The following CPE variants were observed in gnomAD, a reference collection of about 807,000 sequenced individuals.
CPE encodes the protein carboxypeptidase E, also known as carbocypeptidase E.
Under a neutral mutation model 53.5 loss-of-function variants are expected in CPE, and 17 were observed. The observed-to-expected ratio is 0.32, with a 90% CI of 0.22 to 0.48. The LOEUF (loss-of-function observed/expected upper bound fraction) is 0.48. CPE is among the 20% of genes least tolerant of loss of function. The pLI is 0.99. For missense variants in CPE, 524 were observed against 614.7 expected (o/e 0.85, Z 1.56); for synonymous variants, 226 against 228.8 (o/e 0.99, Z 0.11).
chr4:165,461,150 G>A (rs765864627), intron 1 of CPE, among the ~76,000 whole-genome samples: 111 of 46,946 alleles, frequency 2.4e-3, no homozygotes, highest in Non-Finnish European at 3.1e-3. Flanking sequence ...CTGGGTGACA[G>A]AGTGAGCCTC....
intron 1 of CPE, among the ~76,000 whole-genome samples, chr4:165,462,285 G>T (rs531358774): frequency 2.6e-5 from 4 of 152,286 alleles, no homozygotes; most frequent in African/African-American, 9.6e-5. Flanking sequence ...CCAGACATCT[G>T]GGGGCAAGTG....
chr4:165,416,920 A>G (rs563550334), intron 1 of CPE, among the ~76,000 whole-genome samples: 39 of 152,172 alleles, frequency 2.6e-4, no homozygotes, highest in African/African-American at 8.4e-4. Flanking sequence ...GAGTCCATGA[A>G]TGAATGGAAT....
chr4:165,497,542 A>G lies in CPE; in HGVS notation c.1363A>G (p.Arg455Gly), dbSNP rs951331026. 8.9e-6 allele frequency: 14 copies of G among 1,576,486 alleles called. No homozygotes were observed. Among genetic ancestry groups the G allele is most frequent in the Non-Finnish European group, 1.2e-5 (14 of 1,164,922 alleles). Residue 455 changes from arginine to glycine, a missense_variant, in exon 9 of 9, where the codon AGG (arginine) becomes GGG (glycine). By Grantham distance (125) the Arg-to-Gly change is moderately radical (BLOSUM62 -2). Coordinates refer to ENST00000402744, the MANE Select transcript of CPE (RefSeq NM_001873.4). ...TTTTGAACTGGAGTCATTTTCTGAA[A>G]GGAAAGAAGAGGAGAAGGAAGAATT... is the stretch of plus-strand genomic sequence containing the variant. ...VDFELESFSERKEEEKEELME... is the reference protein window; with the variant it reads ...VDFELESFSEGKEEEKEELME...
intron 1 of CPE, among the ~76,000 whole-genome samples, chr4:165,456,973 T>A (rs1731913831): frequency 6.6e-6 from 1 of 151,940 alleles, no homozygotes. Flanking sequence ...ACTCCTGACC[T>A]CGTGATCCAC....
chr4:165,477,433 C>T (rs1732323657), intron 3 of CPE, among the ~76,000 whole-genome samples: 1 of 152,294 alleles, frequency 6.6e-6, no homozygotes, highest in Middle Eastern at 3.4e-3. Context: ...AGTAAACTTA[C>T]TTCATAATCA....
chr4:165,415,614 CAA>C (rs1002554185), intron 1 of CPE, among the ~76,000 whole-genome samples: 3 of 151,800 alleles, frequency 2.0e-5, no homozygotes, highest in East Asian at 1.9e-4. Context: ...TTTTGTAGCT[CAA>C]GTGTATAATT....
At chr4:165,478,381 A>G (rs1732340380) in intron 3 of CPE, among the ~76,000 whole-genome samples, 1 of 152,196 alleles carries the variant, frequency 6.6e-6, no homozygotes, top group Non-Finnish European at 1.5e-5. Flanking sequence ...AATTTATCAA[A>G]TTGTAGAATT....
intron 3 of CPE, among the ~76,000 whole-genome samples, chr4:165,472,794 A>T (rs1482638402): frequency 6.6e-6 from 1 of 152,192 alleles, no homozygotes; most frequent in Non-Finnish European, 1.5e-5. Flanking sequence ...CTTTTTATAT[A>T]ATCTTTTACT....
chr4:165,462,001 T>C (rs1732016632), intron 1 of CPE, among the ~76,000 whole-genome samples: 1 of 152,248 alleles, frequency 6.6e-6, no homozygotes, highest in African/African-American at 2.4e-5. Flanking sequence ...TTTGTTGTCC[T>C]GTCTTCATGT....
Position 165,495,688 on chromosome 4 carries a change from A to C in CPE, c.1332+11A>C. On this transcript the variant is annotated intron_variant, in intron 8 of 8. Transcript: ENST00000402744. ...AGCCCTGCTGCTGGGGTAAGTAATCATAATAATAGCCAAACGCTATAATAA... is the reference window on the plus strand; with the variant it reads ...AGCCCTGCTGCTGGGGTAAGTAATCCTAATAATAGCCAAACGCTATAATAA... 1 of 1,524,826 alleles carries C rather than the reference A, an allele frequency of 6.6e-7. No individual in the cohort carries two copies. Among genetic ancestry groups the C allele is most frequent in the Non-Finnish European group, 9.1e-7 (1 of 1,104,660 alleles). 94.5% of individuals were successfully genotyped at this position (1,524,826 alleles called of 1,614,324 possible).
intron 5 of CPE, among the ~76,000 whole-genome samples, chr4:165,486,225 G>C (rs1310112653): frequency 2.6e-5 from 4 of 152,080 alleles, no homozygotes; most frequent in African/African-American, 9.7e-5. Flanking sequence ...GTAGCTGTGA[G>C]CTCTAACAGC....
intron 1 of CPE, among the ~76,000 whole-genome samples, chr4:165,458,113 T>C (rs947631480): frequency 2.0e-5 from 3 of 152,218 alleles, no homozygotes; most frequent in Non-Finnish European, 4.4e-5. Context: ...TAACCCCAGG[T>C]TTATCACTGA....
At chr4:165,493,802 G>T (rs573904335) in intron 7 of CPE, among the ~76,000 whole-genome samples, 1 of 152,210 alleles carries the variant, frequency 6.6e-6, no homozygotes, top group African/African-American at 2.4e-5. Flanking sequence ...GAGGTGCGAT[G>T]TTAGTGACTT....
At position 165,480,215 on chromosome 4, in the gene CPE, A is replaced by G. The variant is rs190255341; in HGVS notation, c.673-2027A>G. On this transcript the variant is annotated intron_variant, in intron 3 of 8. Coordinates refer to ENST00000402744, the MANE Select transcript of CPE (RefSeq NM_001873.4). Reference sequence around the variant, plus strand: ...TGTTCTTAAAAAGATTAGAGATGGAAGGTTTATTATACTGTTGCTGGTTAT... The same window carrying G: ...TGTTCTTAAAAAGATTAGAGATGGAGGGTTTATTATACTGTTGCTGGTTAT... Among the ~76,000 whole-genome samples, 853 of 152,314 alleles carry G rather than the reference A, an allele frequency of 5.6e-3. 6 individuals carry two copies. Among genetic ancestry groups the G allele is most frequent in the Non-Finnish European group, 9.6e-3 (656 of 68,028 alleles).
At position 165,459,672 on chromosome 4, in the gene CPE, G is replaced by GGT. The variant is rs1553976449; in HGVS notation, c.308-4716_308-4715dup. On this transcript the variant is annotated intron_variant, in intron 1 of 8. Coordinates refer to ENST00000402744, the MANE Select transcript of CPE (RefSeq NM_001873.4). ...TAATCCCAGCACTTTGGGAGGGCTG[G>GGT]GTGGGGGGGGGCGGGGCAGATCATG... Among the ~76,000 whole-genome samples, 22 of 123,090 alleles carry GGT rather than the reference G, an allele frequency of 1.8e-4. 3 individuals are homozygous for GGT. The highest frequency in any genetic ancestry group is 8.2e-4 in the African/African-American group (22 of 26,760). The allele number at this position is 123,090 out of a possible 152,430, so 80.8% of individuals were successfully genotyped here. A position where few individuals can be genotyped will look rare whatever the true frequency, so the allele number is the denominator to read the frequency against.
chr4:165,455,081 G>A (rs932752767), intron 1 of CPE, among the ~76,000 whole-genome samples: 1 of 152,182 alleles, frequency 6.6e-6, no homozygotes, highest in African/African-American at 2.4e-5. Context: ...GAAACTTGAT[G>A]CTGCCTCCTA....
At chr4:165,386,338 A>G in intron 1 of CPE, 1 of 471,544 alleles carries the variant, frequency 2.1e-6, no homozygotes, top group Non-Finnish European at 4.2e-6. Context: ...GTTTATATAT[A>G]TTTTTTAATC....
At chr4:165,482,432 T>G in intron 4 of CPE, 73 bp downstream of exon 4, 1 of 1,082,136 alleles carries the variant, frequency 9.2e-7, no homozygotes, top group Non-Finnish European at 1.4e-6. Flanking sequence ...AGATGATTTC[T>G]GTAATTTTTT....
At chr4:165,415,794 A>C (rs904894748) in intron 1 of CPE, among the ~76,000 whole-genome samples, 7 of 152,112 alleles carry the variant, frequency 4.6e-5, no homozygotes, top group African/African-American at 1.2e-4. Flanking sequence ...ATATTTGTGT[A>C]GTACACAGGT....
Sources: allele counts gnomAD v4.1 joint callset (sites outside exome capture counted in the v4.1 genomes callset), GRCh38; gene constraint gnomAD v4.1.1; transcripts MANE v1.5; gene names NCBI Gene and HGNC (gene_info 2026-07-23, HGNC 2026-07-21).